LRRC27: variants seen among roughly 807,000 people sequenced by gnomAD.
LRRC27 encodes the protein leucine rich repeat containing 27.
In LRRC27, 57 loss-of-function variants were observed where a neutral mutation model predicts 55.0. That is an observed-to-expected ratio of 1.04 (90% CI 0.84 to 1.29). The LOEUF (loss-of-function observed/expected upper bound fraction) is 1.29, where lower values mean the gene tolerates loss of function less well. Ranked by LOEUF, LRRC27 falls within the 50% of genes most tolerant of loss-of-function variation. LRRC27 has a pLI of 0.00. For missense variants in LRRC27, 721 were observed against 651.5 expected, an observed-to-expected ratio of 1.11 and a Z score of -1.16; for synonymous variants, 278 against 251.9, an observed-to-expected ratio of 1.10 and a Z score of -0.98.
At chr10:132,364,414 C>T (rs1590716854) in intron 9 of LRRC27, among the ~76,000 whole-genome samples, 2 of 150,332 alleles carry the variant, frequency 1.3e-5, no homozygotes, top group Admixed American at 6.6e-5. Context: ...CCTCCACACC[C>T]GCGCTTACAC....
At chr10:132,335,962 G>A (rs1025335424) in intron 2 of LRRC27, among the ~76,000 whole-genome samples, 5 of 152,262 alleles carry the variant, frequency 3.3e-5, no homozygotes, top group African/African-American at 2.4e-5. Context: ...AGCAGGCATC[G>A]GCTATCCAAG....
chr10:132,342,247 A>T lies in LRRC27; in HGVS notation c.376A>T (p.Ile126Phe), dbSNP rs781526642. ...LKTLLLERNPIKMLPVELGSV... is the reference protein window; with the variant it reads ...LKTLLLERNPFKMLPVELGSV... ...AACTTTGCTTTTAGAAAGAAATCCT[A>T]TCAAAATGTTACCTGTGGAGCTGGG... Residue 126 changes from isoleucine (I) to phenylalanine (F), a missense_variant, in exon 4 of 11, where the codon ATC becomes TTC. By Grantham distance (21) the Ile-to-Phe change is conservative. Transcript: ENST00000368614. 4 of 1,555,468 alleles carry T rather than the reference A, an allele frequency of 2.6e-6. No homozygotes were observed. The South Asian group carries it at 3.6e-5, about 14-fold the overall frequency.
chr10:132,358,960 TGTGGGGAGGAGCCGAGGTGGTGGAGC>T (rs2068468769), intron 8 of LRRC27, among the ~76,000 whole-genome samples: 2 of 11,234 alleles, frequency 1.8e-4, no homozygotes, highest in South Asian at 3.8e-3. Context: ...GGTGGTGGAG[TGTGGGGAGGAGCCGAGGTGGTGGAGC>T]GTGGGAAGGA....
At chr10:132,351,387 G>A (rs1414621560) in intron 6 of LRRC27, 1 of 545,942 alleles carries the variant, frequency 1.8e-6, no homozygotes, top group Non-Finnish European at 3.3e-6. Flanking sequence ...CTGGCAGTGG[G>A]CGCGTTGGGA....
At chr10:132,331,868 C>A (rs370554432), upstream of LRRC27, 19 of 1,298,188 alleles carry the variant, frequency 1.5e-5, no homozygotes, top group South Asian at 1.7e-4. Flanking sequence ...TGGCCGCGTG[C>A]GTGCGCAGGC....
At position 132,348,183 on chromosome 10, in the gene LRRC27, G is replaced by C. The variant is rs772620424; in HGVS notation, c.753G>C (p.Glu251Asp). 1.2e-6 allele frequency: 2 copies of C among 1,614,156 alleles called. No individual in the cohort carries two copies. The highest frequency in any genetic ancestry group is 3.3e-5 in the Admixed American group (2 of 60,022). The change falls in exon 6 of 11, where the codon GAG becomes GAC. Residue 251 changes from glutamate (E) to aspartate (D), a missense_variant. By Grantham distance (45) the Glu-to-Asp change is conservative. Coordinates refer to ENST00000368614, the MANE Select transcript of LRRC27 (RefSeq NM_030626.3). The surrounding 1 kb of genome is among the most constrained non-coding windows in gnomAD (Gnocchi z 4.2). ...TCAGGAAGTCTGCGGACTCCTCAGAGAACTGGCCCAGCGAGGAGGAGATCA... is the reference window on the plus strand; with the variant it reads ...TCAGGAAGTCTGCGGACTCCTCAGACAACTGGCCCAGCGAGGAGGAGATCA... ...SELRKSADSS[E>D]NWPSEEEIRR...
intron 4 of LRRC27, 57 bp downstream of exon 4, chr10:132,342,328 AC>A: frequency 8.8e-7 from 1 of 1,129,980 alleles, no homozygotes. Context: ...AACTTGCCAG[AC>A]CTTGTAATGG....
Position 132,344,587 on chromosome 10 carries a change from A to G in LRRC27, c.490A>G (p.Ile164Val). 6.2e-7 allele frequency: 1 copy of G among 1,614,202 alleles called. No individual in the cohort carries two copies. The highest frequency in any genetic ancestry group is 1.1e-5 in the South Asian group (1 of 91,086). The change falls in exon 5 of 11, where the codon ATC (isoleucine) becomes GTC (valine). Residue 164 changes from isoleucine to valine, a missense_variant. By Grantham distance (29) the Ile-to-Val change is conservative. Transcript: ENST00000368614. Reference sequence around the variant, plus strand: ...CGTTGTGCAGAAGGGATTGGTGGCTATCCAGCGCTTCCTGCGGATGTGGGC... The same window carrying G: ...CGTTGTGCAGAAGGGATTGGTGGCTGTCCAGCGCTTCCTGCGGATGTGGGC... Reference protein sequence around the residue: ...QLVVQKGLVAIQRFLRMWAVE... With the variant: ...QLVVQKGLVAVQRFLRMWAVE...
rs908566363 is a variant in LRRC27, at chr10:132,374,403, A to G, written c.1417-663A>G. 6.6e-6 allele frequency among the ~76,000 whole-genome samples: 1 copy of G among 152,108 alleles called. No homozygotes were observed. Among genetic ancestry groups the G allele is most frequent in the Non-Finnish European group, 1.5e-5 (1 of 67,998 alleles). ...GGACTCTGCAGAGGGCCTGAGGGGCAGGAACGGGAAGATCCCCTCCTCAGT... is the reference window on the plus strand; with the variant it reads ...GGACTCTGCAGAGGGCCTGAGGGGCGGGAACGGGAAGATCCCCTCCTCAGT... On this transcript the variant is annotated intron_variant, in intron 10 of 10. Coordinates refer to ENST00000368614, the MANE Select transcript of LRRC27 (RefSeq NM_030626.3). This position sits in a 1 kb window ranked among gnomAD's most constrained non-coding sequence, Gnocchi z 4.4.
rs935597250 is a variant in LRRC27, at chr10:132,378,748, C to A, written c.*3506C>A. 5.3e-5 allele frequency: 8 copies of A among 152,340 alleles called. No individual in the cohort carries two copies. The highest frequency in any genetic ancestry group is 1.9e-4 in the African/African-American group (8 of 41,450). The allele number at this position is 152,340 out of a possible 1,614,324, so 9.4% of individuals were successfully genotyped here. A position where few individuals can be genotyped will look rare whatever the true frequency, so the allele number is the denominator to read the frequency against. On this transcript the variant is annotated 3_prime_UTR_variant, in exon 11 of 11. Coordinates refer to ENST00000368614, the MANE Select transcript of LRRC27 (RefSeq NM_030626.3). ...AAAAACACAAACATAGACGATTGTA[C>A]CATTGCACTCAGAAGAAACATCCCA...
chr10:132,352,850 G>A (rs1246194610), intron 7 of LRRC27: 3 of 1,611,984 alleles, frequency 1.9e-6, no homozygotes, highest in Middle Eastern at 1.6e-4. Context: ...CTGCTTTCTT[G>A]TTCTTTTCCC....
rs1288740932 is a variant in LRRC27, at chr10:132,365,491, A to G, written c.1357A>G (p.Arg453Gly). ...CGTCCTCCAAATGCGTGAGCAAAGA[A>G]GATTCCATGGCCAGGCCCCACTGGA... The part of the protein sequence containing the change: ...QHVLQMREQR[R>G]FHGQAPLEEM... Residue 453 changes from arginine to glycine, a missense_variant, in exon 10 of 11, where the codon AGA becomes GGA. Coordinates refer to ENST00000368614, the MANE Select transcript of LRRC27 (RefSeq NM_030626.3). 2 of 1,613,720 alleles carry G rather than the reference A, an allele frequency of 1.2e-6. No homozygotes were observed. The highest frequency in any genetic ancestry group is 3.3e-5 in the Admixed American group (2 of 60,020).
At chr10:132,366,964 T>C in intron 10 of LRRC27, 2 of 1,277,582 alleles carry the variant, frequency 1.6e-6, no homozygotes, top group Non-Finnish European at 1.0e-6. Flanking sequence ...CCCAAGGAGT[T>C]TGTATCTGCC....
intron 4 of LRRC27, among the ~76,000 whole-genome samples, chr10:132,343,802 C>T (rs2067540140): frequency 6.6e-6 from 1 of 152,240 alleles, no homozygotes; most frequent in Admixed American, 6.5e-5. Flanking sequence ...TTGGGAAACG[C>T]CACAGGACTA....
At chr10:132,333,439 A>G in intron 1 of LRRC27, 38 bp from the exon 2 acceptor site, 1 of 981,876 alleles carries the variant, frequency 1.0e-6, no homozygotes, top group Non-Finnish European at 1.5e-6. Context: ...CCTCGGTATA[A>G]TTAGTTGCTT....
Position 132,376,091 on chromosome 10 carries a change from T to C in LRRC27, c.*849T>C, listed in dbSNP as rs1386974099. On this transcript the variant is annotated 3_prime_UTR_variant, in exon 11 of 11. Coordinates refer to ENST00000368614, the MANE Select transcript of LRRC27 (RefSeq NM_030626.3). ...GGTTTCAGTGAGTTTCCTCATTTCA[T>C]CCAAGTTGTGCAATGTATCAGCATA... 1 of 152,254 alleles carries C rather than the reference T, an allele frequency of 6.6e-6. No homozygotes were observed. The highest frequency in any genetic ancestry group is 1.5e-5 in the Non-Finnish European group (1 of 68,046). 9.4% of individuals were successfully genotyped at this position (152,254 alleles called of 1,614,324 possible).
chr10:132,361,815 C>A (rs1391457842), intron 9 of LRRC27, among the ~76,000 whole-genome samples: 1 of 152,084 alleles, frequency 6.6e-6, no homozygotes, highest in African/African-American at 2.4e-5. Flanking sequence ...CTGTAGGTCA[C>A]CAGGATACAG....
At chr10:132,331,599 G>T (rs1329076945), upstream of LRRC27, 3 of 1,612,826 alleles carry the variant, frequency 1.9e-6, no homozygotes, top group Non-Finnish European at 8.5e-7. Context: ...GAGACGCGGG[G>T]AGTGAGCCCA....
At chr10:132,368,099 T>A (rs937836153) in intron 10 of LRRC27, among the ~76,000 whole-genome samples, 2 of 152,124 alleles carry the variant, frequency 1.3e-5, no homozygotes, top group Non-Finnish European at 2.9e-5. Context: ...ACCATAACAT[T>A]TAAATTAGCA....
Sources: allele counts gnomAD v4.1 joint callset (sites outside exome capture counted in the v4.1 genomes callset), GRCh38; gene constraint gnomAD v4.1.1; non-coding constraint Gnocchi (gnomAD v3.1); transcripts MANE v1.5; gene names NCBI Gene and HGNC (gene_info 2026-07-23, HGNC 2026-07-21).